The following CDIN1 variants were observed in gnomAD, a reference collection of about 807,000 sequenced individuals.
CDIN1 encodes CDAN1 interacting nuclease 1, also known as CDAN1-interacting nuclease 1.
A neutral mutation model predicts 45.3 loss-of-function variants in CDIN1; 33 were observed. The observed-to-expected ratio is 0.73, with a 90% confidence interval of 0.55 to 0.97. The LOEUF (loss-of-function observed/expected upper bound fraction) is 0.97. Among genes scored for constraint, CDIN1 ranks in the 50% least tolerant of loss-of-function variants. CDIN1 has a pLI of 0.00. For synonymous variants in CDIN1, 118 were observed against 124.4 expected, an observed-to-expected ratio of 0.95 and a Z score of 0.34; for missense variants, 303 against 339.4, an observed-to-expected ratio of 0.89 and a Z score of 0.84.
At chr15:36,609,821 C>G (rs1018851509) in intron 1 of CDIN1, among the ~76,000 whole-genome samples, 4 of 152,184 alleles carry the variant, frequency 2.6e-5, no homozygotes, top group Non-Finnish European at 5.9e-5. Flanking sequence ...GAAAGAGCTC[C>G]TGTTTTTCAC....
At chr15:36,737,968 C>T (rs1595538438) in intron 10 of CDIN1, among the ~76,000 whole-genome samples, 2 of 152,298 alleles carry the variant, frequency 1.3e-5, no homozygotes, top group South Asian at 2.1e-4. Context: ...CCGATGACTC[C>T]TTGAAACTTG....
intron 5 of CDIN1, among the ~76,000 whole-genome samples, chr15:36,663,352 G>C (rs1315212354): frequency 6.6e-6 from 1 of 152,182 alleles, no homozygotes; most frequent in African/African-American, 2.4e-5. Context: ...TTTTATGACA[G>C]TGCTTTTCAA....
chr15:36,709,307 T>C lies in CDIN1; in HGVS notation c.610+19T>C. 6.3e-7 allele frequency: 1 copy of C among 1,579,638 alleles called. No individual in the cohort carries two copies. Among genetic ancestry groups the C allele is most frequent in the Non-Finnish European group, 8.6e-7 (1 of 1,162,770 alleles). ...CCAGTTGGTAAGTTCTTTAACTCTG[T>C]TATGCATTTGTTTTTAGAGAAAAGG... On this transcript the variant is annotated intron_variant, in intron 9 of 10. Transcript: ENST00000566621.
chr15:36,580,070 C>A, intron 1 of CDIN1, 109 bp downstream of exon 1: 1 of 928,714 alleles, frequency 1.1e-6, no homozygotes, highest in Non-Finnish European at 1.6e-6. Flanking sequence ...GGGAGGAACA[C>A]CAGTGTCAGG....
intron 8 of CDIN1, chr15:36,705,075 A>G (rs1335209675): frequency 6.6e-6 from 1 of 152,228 alleles, no homozygotes; most frequent in Non-Finnish European, 1.5e-5. Context: ...TTCAAAGGCC[A>G]GAGAAATTAA....
chr15:36,737,514 G>T (rs1292188609), intron 10 of CDIN1, among the ~76,000 whole-genome samples: 1 of 152,126 alleles, frequency 6.6e-6, no homozygotes, highest in Non-Finnish European at 1.5e-5. Context: ...GAATTATGAG[G>T]CTTTTGTGGA....
At chr15:36,638,957 A>C (rs1555387447) in intron 1 of CDIN1, among the ~76,000 whole-genome samples, 2 of 152,184 alleles carry the variant, frequency 1.3e-5, no homozygotes, top group Non-Finnish European at 1.5e-5. Context: ...ATTGGATATA[A>C]ATTTTGATTC....
intron 5 of CDIN1, among the ~76,000 whole-genome samples, chr15:36,679,363 G>A (rs1035503056): frequency 6.6e-6 from 1 of 152,190 alleles, no homozygotes; most frequent in African/African-American, 2.4e-5. Flanking sequence ...TCATAACAGT[G>A]TGTTATTTTA....
At chr15:36,697,446 T>C (rs771857774) in intron 8 of CDIN1, 56 bp downstream of exon 8, 15 of 1,370,888 alleles carry the variant, frequency 1.1e-5, no homozygotes, top group Non-Finnish European at 1.5e-5. Flanking sequence ...TGCTTAAATA[T>C]ATATTTTAAA....
At position 36,709,725 on chromosome 15, in the gene CDIN1, T is replaced by C. The variant is rs1357362781; in HGVS notation, c.611-131T>C. The stretch of plus-strand genomic sequence containing the variant: ...ACATATACAGTGTGTTGTTTTGTAA[T>C]TACATTTATAGATGATGGTAAGGGC... On this transcript the variant is annotated intron_variant, in intron 9 of 10. Coordinates refer to ENST00000566621, the MANE Select transcript of CDIN1 (RefSeq NM_001321759.2). 9.6e-6 allele frequency: 6 copies of C among 627,690 alleles called. No homozygotes were observed. The East Asian group carries it at 1.6e-4, about 17-fold the overall frequency. 38.9% of individuals were successfully genotyped at this position (627,690 alleles called of 1,614,324 possible).
chr15:36,740,301 T>G (rs1360813836), intron 10 of CDIN1, among the ~76,000 whole-genome samples: 3 of 152,096 alleles, frequency 2.0e-5, no homozygotes, highest in Non-Finnish European at 4.4e-5. Context: ...GTGAGGTAGA[T>G]GTGGGGGGTG....
intron 5 of CDIN1, among the ~76,000 whole-genome samples, chr15:36,664,781 C>T (rs193090049): frequency 1.3e-5 from 2 of 152,150 alleles, no homozygotes; most frequent in Non-Finnish European, 1.5e-5. Context: ...CTCCTGACCT[C>T]GTGATCCGCC....
At chr15:36,589,148 C>A (rs570486895) in intron 1 of CDIN1, among the ~76,000 whole-genome samples, 12 of 151,976 alleles carry the variant, frequency 7.9e-5, no homozygotes, top group Non-Finnish European at 1.6e-4. Context: ...TTGACAAAGT[C>A]GACTGAATTT....
At position 36,777,628 on chromosome 15, in the gene CDIN1, T is replaced by A. The variant is rs570405983; in HGVS notation, c.717-30696T>A. 5.9e-5 allele frequency among the ~76,000 whole-genome samples: 9 copies of A among 152,274 alleles called. No homozygotes were observed. In the South Asian group the frequency reaches 1.7e-3, roughly 28 times the overall value. ...CATCTCAAGGTTTCTATTTATATTT[T>A]TATTTTTTGAGACAAGATGTCACTC... is the stretch of plus-strand genomic sequence containing the variant. On this transcript the variant is annotated intron_variant, in intron 10 of 10. Transcript: ENST00000566621.
chr15:36,699,864 A>G (rs2042570045), intron 8 of CDIN1, among the ~76,000 whole-genome samples: 1 of 152,196 alleles, frequency 6.6e-6, no homozygotes, highest in Admixed American at 6.6e-5. Context: ...GAATGTACTG[A>G]TAGGAGTTCA....
chr15:36,764,755 G>T (rs1012741734), intron 10 of CDIN1, among the ~76,000 whole-genome samples: 1 of 152,152 alleles, frequency 6.6e-6, no homozygotes, highest in South Asian at 2.1e-4. Context: ...AGCTCCCCTT[G>T]CAGTAAGATG....
intron 10 of CDIN1, among the ~76,000 whole-genome samples, chr15:36,719,279 C>G (rs558320486): frequency 9.2e-5 from 14 of 152,166 alleles, no homozygotes; most frequent in Admixed American, 7.9e-4. Context: ...CGCCCTTTAT[C>G]AGGTTGAAGA....
intron 5 of CDIN1, among the ~76,000 whole-genome samples, chr15:36,687,440 G>A (rs139589924): frequency 3.9e-5 from 6 of 152,318 alleles, no homozygotes; most frequent in South Asian, 2.1e-4. Context: ...CACTAGTTAT[G>A]TGAGGGAGGC....
At chr15:36,703,048 C>T (rs2042700372) in intron 8 of CDIN1, among the ~76,000 whole-genome samples, 1 of 149,952 alleles carries the variant, frequency 6.7e-6, no homozygotes, top group South Asian at 2.1e-4. Flanking sequence ...CCCCCAACGT[C>T]CACTCTACAA....
Sources: gnomAD v4.1 joint callset for allele counts (sites outside exome capture counted in the v4.1 genomes callset) on GRCh38, gnomAD v4.1.1 for gene constraint, MANE v1.5 for transcripts, NCBI Gene and HGNC (gene_info 2026-07-23, HGNC 2026-07-21) for gene names.